The following ABCA8 variants were observed in gnomAD, a reference collection of about 807,000 sequenced individuals.
The protein encoded by ABCA8 is ABC-type organic anion transporter ABCA8.
A neutral mutation model predicts 192.3 loss-of-function variants in ABCA8; 177 were observed. That is an observed-to-expected ratio of 0.92 (90% CI 0.81 to 1.04). The LOEUF (loss-of-function observed/expected upper bound fraction) is 1.04. Ranked by LOEUF, ABCA8 falls within the 50% of genes least tolerant of loss-of-function variation. The pLI is 0.00. For missense variants in ABCA8, 1,915 were observed against 1,904.8 expected, an observed-to-expected ratio of 1.01 and a Z score of -0.10; for synonymous variants, 642 against 690.2, an observed-to-expected ratio of 0.93 and a Z score of 1.09.
At chr17:68,943,770 CTGAG>C (rs1260452627) in intron 2 of ABCA8, among the ~76,000 whole-genome samples, 6 of 152,046 alleles carry the variant, frequency 3.9e-5, no homozygotes, top group African/African-American at 1.4e-4. Flanking sequence ...TTTTTAATGG[CTGAG>C]TGTGGACCCA....
intron 17 of ABCA8, 34 bp from the exon 18 acceptor site, chr17:68,907,913 T>C: frequency 6.5e-7 from 1 of 1,530,018 alleles, no homozygotes; most frequent in Non-Finnish European, 8.8e-7. Context: ...AGACATATGT[T>C]ACTCGACATA....
At chr17:68,936,920 G>C (rs374370749) in intron 5 of ABCA8, 31 bp downstream of exon 5, 2 of 1,524,512 alleles carry the variant, frequency 1.3e-6, no homozygotes, top group African/African-American at 2.8e-5. Flanking sequence ...TTGAAATAGA[G>C]AGTAGTGAAA....
chr17:68,921,388 T>G lies in ABCA8; in HGVS notation c.1606A>C (p.Thr536Pro). ...LNILSGLSVP[T>P]KGSVTIYNNK... ...AAAACAAACTAGTTTGTACCTTTGG[T>G]GGGAACAGACAACCCACTAAGAATG... is the stretch of plus-strand genomic sequence containing the variant. The change falls in exon 13 of 40, where the codon ACC (threonine) becomes CCC (proline). Residue 536 changes from threonine to proline, a missense_variant. Physicochemically the swap from Thr to Pro is conservative, Grantham distance 38. Transcript: ENST00000586539. The G allele has an allele frequency of 6.2e-7, 1 of 1,607,024 alleles. No homozygotes were observed. Among genetic ancestry groups the G allele is most frequent in the Non-Finnish European group, 8.5e-7 (1 of 1,176,008 alleles).
chr17:68,937,899 A>G (rs1037181262), intron 4 of ABCA8, among the ~76,000 whole-genome samples: 3 of 151,884 alleles, frequency 2.0e-5, no homozygotes, highest in Non-Finnish European at 3.0e-5. Context: ...ATAGAATAAT[A>G]TCATTACAAA....
At chr17:68,924,659 T>A in intron 11 of ABCA8, 42 bp downstream of exon 11, 1 of 1,590,262 alleles carries the variant, frequency 6.3e-7, no homozygotes, top group Non-Finnish European at 8.5e-7. Context: ...ATCTCTTAGC[T>A]TCCTGCCTTT....
intron 2 of ABCA8, among the ~76,000 whole-genome samples, chr17:68,945,900 A>G (rs560712164): frequency 6.6e-6 from 1 of 152,232 alleles, no homozygotes; most frequent in South Asian, 2.1e-4. Context: ...TACTTCTCAC[A>G]CATAGTCTAG....
intron 4 of ABCA8, among the ~76,000 whole-genome samples, chr17:68,938,116 G>A (rs962100360): frequency 1.3e-5 from 2 of 152,142 alleles, no homozygotes; most frequent in African/African-American, 4.8e-5. Flanking sequence ...ACCTTAGGTG[G>A]ATAGTTCATA....
intron 21 of ABCA8, among the ~76,000 whole-genome samples, chr17:68,896,374 G>C (rs1202275681): frequency 4.6e-5 from 7 of 152,134 alleles, no homozygotes; most frequent in Admixed American, 4.6e-4. Context: ...TTATAGTAGT[G>C]CTCCCTTATC....
Position 68,881,214 on chromosome 17 carries a change from G to A in ABCA8, c.3947-3C>T, listed in dbSNP as rs1334291608. On this transcript the variant is annotated splice_polypyrimidine_tract_variant and splice_region_variant and intron_variant, in intron 31 of 39. Coordinates refer to ENST00000586539, the MANE Select transcript of ABCA8 (RefSeq NM_001288985.2). ...TCCTAATAATCCTAAAACTTCACCT[G>A]AAAAAAAGGTTACACTTAATATTAA... is the stretch of plus-strand genomic sequence containing the variant. 12 of 1,594,318 alleles carry A rather than the reference G, an allele frequency of 7.5e-6. No homozygotes were observed. The highest frequency in any genetic ancestry group is 1.1e-5 in the South Asian group (1 of 90,186).
intron 1 of ABCA8, among the ~76,000 whole-genome samples, chr17:68,954,336 A>G (rs1190760234): frequency 1.3e-5 from 2 of 152,074 alleles, no homozygotes; most frequent in African/African-American, 2.4e-5. Context: ...TCTCCTCACT[A>G]TGGAATCAGC....
Position 68,887,408 on chromosome 17 carries a change from G to T in ABCA8, c.3243C>A (p.Phe1081Leu). Reference sequence around the variant, plus strand: ...TGTAGCTCATTAAATATATAAAAACGAAGACCAAGAAGTACAGGGAAACAT... The same window carrying T: ...TGTAGCTCATTAAATATATAAAAACTAAGACCAAGAAGTACAGGGAAACAT... The part of the protein sequence containing the change: ...LVDVSLYFLV[F>L]VFIYLMSYIS... The change falls in exon 25 of 40, where the codon TTC (phenylalanine) becomes TTA (leucine). Residue 1081 changes from phenylalanine to leucine, a missense_variant. Physicochemically the swap from Phe to Leu is conservative, Grantham distance 22. Coordinates refer to ENST00000586539, the MANE Select transcript of ABCA8 (RefSeq NM_001288985.2). The T allele has an allele frequency of 6.2e-7, 1 of 1,613,140 alleles. No homozygotes were observed. The highest frequency in any genetic ancestry group is 8.5e-7 in the Non-Finnish European group (1 of 1,179,466).
At chr17:68,887,897 TATATATATATCCA>T (rs1567830370) in intron 24 of ABCA8, among the ~76,000 whole-genome samples, 4 of 46,150 alleles carry the variant, frequency 8.7e-5, no homozygotes, top group East Asian at 4.6e-3. Context: ...TATATATATA[TATATATATATCCA>T]TATATATATA....
Position 68,941,958 on chromosome 17 carries a change from A to G in ABCA8, c.77T>C (p.Met26Thr). The change falls in exon 3 of 40, where the codon ATG becomes ACG. Residue 26 changes from methionine to threonine, a missense_variant. Coordinates refer to ENST00000586539, the MANE Select transcript of ABCA8 (RefSeq NM_001288985.2). ...LCKNFLKKWR[M>T]KRESLMEWLN... ...TCATACCATTAAGGACTCTCTTTTCATTCTCCATTTTTTAAGAAAGTTCTT... is the reference window on the plus strand; with the variant it reads ...TCATACCATTAAGGACTCTCTTTTCGTTCTCCATTTTTTAAGAAAGTTCTT... 1 of 1,611,314 alleles carries G rather than the reference A, an allele frequency of 6.2e-7. No individual in the cohort carries two copies. Among genetic ancestry groups the G allele is most frequent in the South Asian group, 1.1e-5 (1 of 90,912 alleles).
chr17:68,902,622 G>T, intron 21 of ABCA8, 91 bp downstream of exon 21: 1 of 1,127,220 alleles, frequency 8.9e-7, no homozygotes, highest in Non-Finnish European at 1.2e-6. Context: ...TGCTGAATAA[G>T]TGAAAAGCTA....
intron 2 of ABCA8, among the ~76,000 whole-genome samples, chr17:68,946,953 GAGA>G (rs2068427829): frequency 3.3e-5 from 5 of 151,944 alleles, no homozygotes; most frequent in Non-Finnish European, 5.9e-5. Context: ...GAAAGAGAGA[GAGA>G]GAGAGAGAGA....
chr17:68,887,443 C>T lies in ABCA8; in HGVS notation c.3208G>A (p.Ala1070Thr). ...AAGTACAGGGAAACATCCACCAGCG[C>T]CTGCCCAAACCAGTAAGCAGAAGGG... ...LSPSAYWFGQALVDVSLYFLV... is the reference protein window; with the variant it reads ...LSPSAYWFGQTLVDVSLYFLV... The change falls in exon 25 of 40, where the codon GCG (alanine) becomes ACG (threonine). Residue 1070 changes from alanine (A) to threonine (T), a missense_variant. Ala to Thr is a moderately conservative substitution (Grantham distance 58). Coordinates refer to ENST00000586539, the MANE Select transcript of ABCA8 (RefSeq NM_001288985.2). 1 of 1,613,716 alleles carries T rather than the reference C, an allele frequency of 6.2e-7. No homozygotes were observed. The highest frequency in any genetic ancestry group is 8.5e-7 in the Non-Finnish European group (1 of 1,179,848).
Position 68,906,059 on chromosome 17 carries a change from T to C in ABCA8, c.2383A>G (p.Thr795Ala). Residue 795 changes from threonine to alanine, a missense_variant, in exon 19 of 40, where the codon ACA becomes GCA. By Grantham distance (58) the Thr-to-Ala change is moderately conservative. Transcript: ENST00000586539. ...EVFLKLEGKSTINESDIAILG... is the reference protein window; with the variant it reads ...EVFLKLEGKSAINESDIAILG... Reference sequence around the variant, plus strand: ...TTTTATTTACCCGATTCATTAATTGTAGATTTTCCTTCTAGCTTCAGGAAT... The same window carrying C: ...TTTTATTTACCCGATTCATTAATTGCAGATTTTCCTTCTAGCTTCAGGAAT... The C allele has an allele frequency of 2.5e-6, 4 of 1,588,166 alleles. No homozygotes were observed. Among genetic ancestry groups the C allele is most frequent in the South Asian group, 2.3e-5 (2 of 86,208 alleles).
intron 11 of ABCA8, among the ~76,000 whole-genome samples, chr17:68,924,068 TG>T (rs1423195551): frequency 6.6e-6 from 1 of 151,914 alleles, no homozygotes; most frequent in African/African-American, 2.4e-5. Flanking sequence ...GTTTAAAAAG[TG>T]GAGAGAAAAG....
chr17:68,942,770 G>C (rs1263044571), intron 2 of ABCA8, among the ~76,000 whole-genome samples: 1 of 151,956 alleles, frequency 6.6e-6, no homozygotes, highest in African/African-American at 2.4e-5. Context: ...TTCTCCCTCA[G>C]CCCTAGGAAG....
Sources: gnomAD v4.1 joint callset for allele counts (sites outside exome capture counted in the v4.1 genomes callset) on GRCh38, gnomAD v4.1.1 for gene constraint, MANE v1.5 for transcripts, NCBI Gene and HGNC (gene_info 2026-07-23, HGNC 2026-07-21) for gene names.